NSUN6: variants seen among roughly 807,000 people sequenced by gnomAD.
NSUN6 encodes NOP2/Sun RNA methyltransferase 6, also known as tRNA (cytosine(72)-C(5))-methyltransferase NSUN6.
In NSUN6, 64 loss-of-function variants were observed where a neutral mutation model predicts 58.0. The observed-to-expected ratio is 1.10, with a 90% CI of 0.90 to 1.36. The LOEUF is 1.36. NSUN6 is among the 40% of genes most tolerant of loss of function. The pLI, the probability that NSUN6 is intolerant of heterozygous loss-of-function variation, is 0.00. For missense variants in NSUN6, 701 were observed against 550.1 expected, an observed-to-expected ratio of 1.27 and a Z score of -2.74; for synonymous variants, 231 against 193.9, an observed-to-expected ratio of 1.19 and a Z score of -1.59.
intron 8 of NSUN6, among the ~76,000 whole-genome samples, chr10:18,571,547 C>G (rs973756445): frequency 6.6e-6 from 1 of 151,042 alleles, no homozygotes; most frequent in African/African-American, 2.4e-5. Flanking sequence ...CCATTGCATT[C>G]TATTCCATTC....
rs2057582269 is a variant in NSUN6 at position 18,596,278 on chromosome 10, T to G, written c.707A>C (p.Glu236Ala). ...TGCTGCACACAAGTCTAGAATCTTC[T>G]CTCCAGGTTGAGGATTTAGTACATG... The part of the protein sequence containing the change: ...VSHVLNPQPG[E>A]KILDLCAAPG... Residue 236 changes from glutamate to alanine, a missense_variant, in exon 7 of 11, where the codon GAG becomes GCG. Transcript: ENST00000377304. The G allele has an allele frequency of 1.2e-6, 2 of 1,602,184 alleles. No homozygotes were observed. The highest frequency in any genetic ancestry group is 2.7e-5 in the African/African-American group (2 of 74,694).
At chr10:18,624,379 G>T (rs2058712660) in intron 3 of NSUN6, among the ~76,000 whole-genome samples, 1 of 151,870 alleles carries the variant, frequency 6.6e-6, no homozygotes. Context: ...ACCAAGACAG[G>T]CCTAACAACA....
intron 8 of NSUN6, among the ~76,000 whole-genome samples, chr10:18,552,785 T>C (rs1383309768): frequency 7.0e-6 from 1 of 142,840 alleles, no homozygotes; most frequent in African/African-American, 2.5e-5. Context: ...TGATTCTCCA[T>C]TCCATTCTTC....
At chr10:18,603,904 C>T (rs963740638) in intron 6 of NSUN6, among the ~76,000 whole-genome samples, 2 of 152,194 alleles carry the variant, frequency 1.3e-5, no homozygotes, top group African/African-American at 4.8e-5. Context: ...CATTAGACTG[C>T]CGGGTGTGGT....
Position 18,626,964 on chromosome 10 carries a change from C to T in NSUN6, c.312-10671G>A, listed in dbSNP as rs550651987. The stretch of plus-strand genomic sequence containing the variant: ...GGGAGGAGCACGAATTGAGAGAATA[C>T]AGAAATTCCTTAAAATTACAAATTG... On this transcript the variant is annotated intron_variant, in intron 3 of 10. Coordinates refer to ENST00000377304, the MANE Select transcript of NSUN6 (RefSeq NM_182543.5). 1.3e-4 allele frequency among the ~76,000 whole-genome samples: 20 copies of T among 152,264 alleles called. 1 individual carries two copies. The South Asian group carries it at 3.7e-3, about 28-fold the overall frequency.
Position 18,597,438 on chromosome 10 carries a change from C to G in NSUN6, c.658-1111G>C, listed in dbSNP as rs1391164353. Among the ~76,000 whole-genome samples, 41 of 152,086 alleles carry G rather than the reference C, an allele frequency of 2.7e-4. 1 individual carries two copies. Among genetic ancestry groups the G allele is most frequent in the Admixed American group, 2.7e-3 (41 of 15,252 alleles). On this transcript the variant is annotated intron_variant, in intron 6 of 10. Coordinates refer to ENST00000377304, the MANE Select transcript of NSUN6 (RefSeq NM_182543.5). Reference sequence around the variant, plus strand: ...CTTAAAGGTTTCAATTCATTCCTACCAAAAGACTGAACAATACATCCATTA... The same window carrying G: ...CTTAAAGGTTTCAATTCATTCCTACGAAAAGACTGAACAATACATCCATTA...
chr10:18,645,330 T>C (rs1260973678), intron 2 of NSUN6, among the ~76,000 whole-genome samples: 1 of 152,142 alleles, frequency 6.6e-6, no homozygotes, highest in Non-Finnish European at 1.5e-5. Context: ...TGCACAAAAT[T>C]ATATAAAATA....
chr10:18,628,511 A>C (rs2058909458), intron 3 of NSUN6, among the ~76,000 whole-genome samples: 1 of 152,312 alleles, frequency 6.6e-6, no homozygotes, highest in Non-Finnish European at 1.5e-5. Flanking sequence ...CTTTGAAAAA[A>C]GTTTAGAAGA....
At chr10:18,551,717 C>T in intron 9 of NSUN6, 106 bp downstream of exon 9, 1 of 893,124 alleles carries the variant, frequency 1.1e-6, no homozygotes, top group Non-Finnish European at 1.8e-6. Flanking sequence ...GTTGTTCCCA[C>T]CTTTTGGCTA....
Position 18,545,946 on chromosome 10 carries a change from C to A in NSUN6, c.1397G>T (p.Cys466Phe). The change falls in exon 11 of 11, where the codon TGC becomes TTC. Residue 466 changes from cysteine to phenylalanine, a missense_variant. Cys to Phe is a radical substitution (Grantham distance 205, BLOSUM62 -2). Transcript: ENST00000377304. Reference protein sequence around the residue: ...IGFFIAKFVKCKST With the variant: ...IGFFIAKFVKFKST ...TCCATCCCTCTCCTATGTGCTTTTG[C>A]ATTTTACAAATTTTGCAATAAAAAA... 1 of 1,572,356 alleles carries A rather than the reference C, an allele frequency of 6.4e-7. No individual in the cohort carries two copies. The highest frequency in any genetic ancestry group is 8.6e-7 in the Non-Finnish European group (1 of 1,158,264).
chr10:18,548,570 T>C (rs2054426124), intron 9 of NSUN6, among the ~76,000 whole-genome samples: 1 of 152,230 alleles, frequency 6.6e-6, no homozygotes. Flanking sequence ...AATTCCCTAC[T>C]TAAATGTTCA....
chr10:18,600,941 A>AAATAC (rs1487679670), intron 6 of NSUN6, among the ~76,000 whole-genome samples: 2 of 43,542 alleles, frequency 4.6e-5, no homozygotes, highest in East Asian at 2.4e-3. Flanking sequence ...AAAAAAAAAA[A>AAATAC]ATATATATAT....
chr10:18,646,455 A>G (rs2059549156), intron 2 of NSUN6, among the ~76,000 whole-genome samples: 1 of 152,168 alleles, frequency 6.6e-6, no homozygotes, highest in Non-Finnish European at 1.5e-5. Context: ...AAAGGGACCC[A>G]AAGTCCAGAG....
chr10:18,560,883 G>T (rs901258357), intron 8 of NSUN6, among the ~76,000 whole-genome samples: 1 of 151,076 alleles, frequency 6.6e-6, no homozygotes, highest in African/African-American at 2.4e-5. Flanking sequence ...ATGGAGAATG[G>T]AATGGAATGG....
chr10:18,585,798 C>CAA, intron 8 of NSUN6, 151 bp downstream of exon 8: 2 of 257,718 alleles, frequency 7.8e-6, no homozygotes, highest in Middle Eastern at 9.3e-4. Context: ...TTTCAAATTA[C>CAA]CACAAGGATA....
chr10:18,574,567 T>C (rs545840703), intron 8 of NSUN6, among the ~76,000 whole-genome samples: 12 of 152,082 alleles, frequency 7.9e-5, no homozygotes, highest in Non-Finnish European at 1.8e-4. Context: ...AAAGACACAA[T>C]GGGCATTCAG....
intron 8 of NSUN6, among the ~76,000 whole-genome samples, chr10:18,573,854 C>A (rs2056516376): frequency 6.6e-6 from 1 of 152,090 alleles, no homozygotes; most frequent in Non-Finnish European, 1.5e-5. Flanking sequence ...TAAACAAGAA[C>A]TCGGGAAATT....
intron 6 of NSUN6, among the ~76,000 whole-genome samples, chr10:18,602,070 T>A (rs982434686): frequency 6.6e-6 from 1 of 151,552 alleles, no homozygotes; most frequent in African/African-American, 2.4e-5. Flanking sequence ...TGGGGTTGTT[T>A]TGTTTTGTTT....
chr10:18,560,986 T>C (rs990702444), intron 8 of NSUN6, among the ~76,000 whole-genome samples: 1 of 143,006 alleles, frequency 7.0e-6, no homozygotes. Context: ...GAGAATGGTA[T>C]GGAGTGGAAT....
Sources: allele counts gnomAD v4.1 joint callset (sites outside exome capture counted in the v4.1 genomes callset), GRCh38; gene constraint gnomAD v4.1.1; transcripts MANE v1.5; gene names NCBI Gene and HGNC (gene_info 2026-07-23, HGNC 2026-07-21).